The following FBXO47 variants were observed in gnomAD, a reference collection of about 807,000 sequenced individuals.
The protein encoded by FBXO47 is F-box protein 47.
Under a neutral mutation model 53.9 loss-of-function variants are expected in FBXO47, and 34 were observed. That is an observed-to-expected ratio of 0.63 (90% confidence interval 0.48 to 0.84). The LOEUF is 0.84. Ranked by LOEUF, FBXO47 falls within the 40% of genes least tolerant of loss-of-function variation. The pLI, the probability that FBXO47 is intolerant of heterozygous loss-of-function variation, is 0.00. For synonymous variants in FBXO47, 165 were observed against 181.6 expected, an observed-to-expected ratio of 0.91 and a Z score of 0.73; for missense variants, 485 against 541.3, an observed-to-expected ratio of 0.90 and a Z score of 1.03.
chr17:38,962,640 G>A lies in FBXO47; in HGVS notation c.181+205C>T, dbSNP rs12944505. On this transcript the variant is annotated intron_variant, in intron 2 of 10. Transcript: ENST00000378079. Reference sequence around the variant, plus strand: ...AATAATAATAATAATAATAATAATAGTAATAATAATAATTATTTAAGTATT... The same window carrying A: ...AATAATAATAATAATAATAATAATAATAATAATAATAATTATTTAAGTATT... Among the ~76,000 whole-genome samples the A allele has an allele frequency of 1.3e-4, 18 of 134,442 alleles. No homozygotes were observed. In the East Asian group the frequency reaches 3.1e-3, roughly 23 times the overall value. 88.2% of individuals were successfully genotyped at this position (134,442 alleles called of 152,430 possible).
At chr17:38,963,186 G>GT (rs1038415751) in intron 1 of FBXO47, 135 bp from the exon 2 acceptor site, 1,551 of 534,536 alleles carry the variant, frequency 2.9e-3, no homozygotes, top group South Asian at 3.5e-3. Context: ...AAGATTTTTG[G>GT]TTTTTTTTTG....
At chr17:38,951,888 G>C (rs1884484396) in intron 5 of FBXO47, among the ~76,000 whole-genome samples, 199 bp from the exon 6 acceptor site, 1 of 152,100 alleles carries the variant, frequency 6.6e-6, no homozygotes, top group South Asian at 2.1e-4. Context: ...AAATTAGCCA[G>C]GTGTGGTGGC....
At position 38,966,224 on chromosome 17, in the gene FBXO47, T is replaced by C. The variant is rs140432044; in HGVS notation, c.-27+1005A>G. Among the ~76,000 whole-genome samples, 517 of 152,246 alleles carry C rather than the reference T, an allele frequency of 3.4e-3. 4 individuals are homozygous for C. Among genetic ancestry groups the C allele is most frequent in the African/African-American group, 0.012 (487 of 41,544 alleles). ...AGGCGTTTTGTTTGTTTGTTTGCGA[T>C]GGAGTTTCGCACAGTCTCCTGGGCT... On this transcript the variant is annotated intron_variant, in intron 1 of 10. Transcript: ENST00000378079.
At chr17:38,953,007 C>A (rs915316394) in intron 5 of FBXO47, among the ~76,000 whole-genome samples, 19 of 151,530 alleles carry the variant, frequency 1.3e-4, no homozygotes, top group African/African-American at 4.6e-4. Context: ...CTGGGCACAG[C>A]AGCTCATGCC....
rs907178426 is a variant in FBXO47, at chr17:38,939,760, C to T, written c.1084-1028G>A. 6.1e-5 allele frequency among the ~76,000 whole-genome samples: 9 copies of T among 148,552 alleles called. No homozygotes were observed. The East Asian group carries it at 9.8e-4, about 16-fold the overall frequency. The stretch of plus-strand genomic sequence containing the variant: ...TCGGCTCACTGCAAGCTCCGCTTCC[C>T]GGGTTCACGCCATTCTCCTGCCTCA... On this transcript the variant is annotated intron_variant, in intron 9 of 10. Transcript: ENST00000378079.
At chr17:38,938,509 G>T in intron 10 of FBXO47, 64 bp downstream of exon 10, 9 of 1,145,220 alleles carry the variant, frequency 7.9e-6, no homozygotes, top group East Asian at 2.6e-5. Flanking sequence ...AAATATCTCT[G>T]TTTTAGGTGG....
intron 6 of FBXO47, among the ~76,000 whole-genome samples, chr17:38,949,927 A>G (rs1052611786): frequency 1.3e-5 from 2 of 152,146 alleles, no homozygotes; most frequent in African/African-American, 4.8e-5. Flanking sequence ...AGCTTTATTG[A>G]AATATAATTT....
chr17:38,959,624 TTGTGTGTGTGTGTGTG>T (rs34354922), intron 3 of FBXO47, among the ~76,000 whole-genome samples: 8 of 126,200 alleles, frequency 6.3e-5, no homozygotes, highest in East Asian at 2.3e-4. Flanking sequence ...CTTCAAAGCA[TTGTGTGTGTGTGTGTG>T]TGTGTGTGTG....
At chr17:38,958,444 A>C (rs1331149421) in intron 3 of FBXO47, among the ~76,000 whole-genome samples, 1 of 150,948 alleles carries the variant, frequency 6.6e-6, no homozygotes, top group Admixed American at 6.6e-5. Context: ...AAGAATGTAT[A>C]AGATTTTGTG....
At chr17:38,956,183 TA>T (rs1475406318) in intron 4 of FBXO47, among the ~76,000 whole-genome samples, 1 of 149,230 alleles carries the variant, frequency 6.7e-6, no homozygotes, top group East Asian at 2.0e-4. Context: ...TTAGGAAGAG[TA>T]ATCTTGATTC....
chr17:38,955,336 C>T (rs1466561645), intron 4 of FBXO47, among the ~76,000 whole-genome samples: 1 of 147,998 alleles, frequency 6.8e-6, no homozygotes, highest in African/African-American at 2.5e-5. Flanking sequence ...GGCAGTGAGT[C>T]GAGACCGTGC....
At chr17:38,956,591 C>CAA (rs1158036745) in intron 4 of FBXO47, among the ~76,000 whole-genome samples, 759 of 55,964 alleles carry the variant, frequency 0.014, 5 homozygotes, top group African/African-American at 0.039. Flanking sequence ...TCTGTCTCAA[C>CAA]AAAAAAAAAA....
At chr17:38,945,948 A>AAAAAAAAAAAAAAATAT (rs1184511532) in intron 6 of FBXO47, among the ~76,000 whole-genome samples, 3 of 117,158 alleles carry the variant, frequency 2.6e-5, no homozygotes, top group African/African-American at 1.1e-4. Flanking sequence ...AAAAAAAAAA[A>AAAAAAAAAAAAAAATAT]ATATATATAT....
At position 38,962,835 on chromosome 17, in the gene FBXO47, C is replaced by T. The variant is rs1385574707; in HGVS notation, c.181+10G>A. The T allele has an allele frequency of 6.2e-7, 1 of 1,601,348 alleles. No individual in the cohort carries two copies. On this transcript the variant is annotated intron_variant, in intron 2 of 10. Coordinates refer to ENST00000378079, the MANE Select transcript of FBXO47 (RefSeq NM_001008777.3). ...CTTGTGTAGGCTATTCATAAGTTCCCAAACCTCACCTGACAAATATTTTAA... is the reference window on the plus strand; with the variant it reads ...CTTGTGTAGGCTATTCATAAGTTCCTAAACCTCACCTGACAAATATTTTAA...
At chr17:38,961,639 G>A (rs956630670) in intron 3 of FBXO47, among the ~76,000 whole-genome samples, 4 of 152,044 alleles carry the variant, frequency 2.6e-5, no homozygotes, top group Non-Finnish European at 4.4e-5. Context: ...ATTAAGCATC[G>A]GTGACGTTAT....
intron 6 of FBXO47, among the ~76,000 whole-genome samples, chr17:38,947,576 G>A (rs1905007367): frequency 6.6e-6 from 1 of 152,006 alleles, no homozygotes; most frequent in Non-Finnish European, 1.5e-5. Context: ...CCAAAGTGTT[G>A]AGATTACAAA....
intron 1 of FBXO47, among the ~76,000 whole-genome samples, chr17:38,965,523 T>C (rs1351318444): frequency 4.0e-5 from 6 of 151,722 alleles, no homozygotes; most frequent in African/African-American, 7.3e-5. Context: ...ACCACAGCGA[T>C]TGGGGTCAGT....
At position 38,944,708 on chromosome 17, in the gene FBXO47, A is replaced by C. The variant is rs575042296; in HGVS notation, c.793+252T>G. Among the ~76,000 whole-genome samples the C allele has an allele frequency of 4.4e-3, 661 of 151,270 alleles. 28 individuals are homozygous for C. In the East Asian group the frequency reaches 0.091, roughly 21 times the overall value. On this transcript the variant is annotated intron_variant, in intron 7 of 10. Transcript: ENST00000378079. ...CAGAGCAGACTCCGTCTCAAAAAAA[A>C]AAAAAAAAAAAAATTAGCTGGTTGT...
intron 1 of FBXO47, 143 bp from the exon 2 acceptor site, chr17:38,963,194 T>C: frequency 1.9e-6 from 1 of 539,808 alleles, no homozygotes. Flanking sequence ...TGGTTTTTTT[T>C]TGAGACGGAG....
Sources: gnomAD v4.1 joint callset for allele counts (sites outside exome capture counted in the v4.1 genomes callset) on GRCh38, gnomAD v4.1.1 for gene constraint, MANE v1.5 for transcripts, NCBI Gene and HGNC (gene_info 2026-07-23, HGNC 2026-07-21) for gene names.